Variants in MYO5B observed in about 807,000 individuals in gnomAD.
The protein encoded by MYO5B is unconventional myosin-Vb.
MYO5B carries 143 observed loss-of-function variants against 229.3 expected under a neutral mutation model. The observed-to-expected ratio is 0.62, with a 90% CI of 0.54 to 0.72. The LOEUF (loss-of-function observed/expected upper bound fraction) is 0.72, where lower values mean the gene tolerates loss of function less well. Among genes scored for constraint, MYO5B ranks in the 30% least tolerant of loss-of-function variants. The pLI, the probability that MYO5B is intolerant of heterozygous loss-of-function variation, is 0.00. For missense variants in MYO5B, 2,321 were observed against 2,331.0 expected, an observed-to-expected ratio of 1.00 and a Z score of 0.09; for synonymous variants, 918 against 885.2, an observed-to-expected ratio of 1.04 and a Z score of -0.66.
rs753114117 is a variant in MYO5B at position 49,841,491 on chromosome 18, C to T, written c.4612-37G>A. The T allele has an allele frequency of 4.5e-6, 7 of 1,568,166 alleles. No individual in the cohort carries two copies. In the Middle Eastern group the frequency reaches 8.3e-4, roughly 187 times the overall value. On this transcript the variant is annotated intron_variant, in intron 34 of 39. Transcript: ENST00000285039. ...AAAGGACATCCTCAGCTCTAAGTGG[C>T]TCCCATCTGGTGAAATGCTTCCTCG... is the stretch of plus-strand genomic sequence containing the variant.
At chr18:49,884,782 T>C (rs1206874960) in intron 22 of MYO5B, among the ~76,000 whole-genome samples, 1 of 152,146 alleles carries the variant, frequency 6.6e-6, no homozygotes, top group African/African-American at 2.4e-5. Context: ...AAAAATCACT[T>C]GCAACTCAAC....
At chr18:50,093,995 G>A (rs1428874178) in intron 1 of MYO5B, among the ~76,000 whole-genome samples, 1 of 152,042 alleles carries the variant, frequency 6.6e-6, no homozygotes, top group Non-Finnish European at 1.5e-5. Context: ...CAGCCCTTGG[G>A]GCTTCTCTGC....
chr18:49,997,993 G>C (rs2026008350), intron 5 of MYO5B, among the ~76,000 whole-genome samples: 1 of 152,328 alleles, frequency 6.6e-6, no homozygotes, highest in Non-Finnish European at 1.5e-5. Flanking sequence ...ACTCTGAGCA[G>C]CCACAAAACT....
At position 50,083,709 on chromosome 18, in the gene MYO5B, C is replaced by T. The variant is rs112891814; in HGVS notation, c.28-28331G>A. On this transcript the variant is annotated intron_variant, in intron 1 of 39. Coordinates refer to ENST00000285039, the MANE Select transcript of MYO5B (RefSeq NM_001080467.3). ...GTTTCCCCTCATCTGTTCAACCATT[C>T]TGCAACTACATGAGCTCAGTTACAA... is the stretch of plus-strand genomic sequence containing the variant. Among the ~76,000 whole-genome samples, 1,483 of 152,302 alleles carry T rather than the reference C, an allele frequency of 9.7e-3. 28 individuals are homozygous for T. Among genetic ancestry groups the T allele is most frequent in the African/African-American group, 0.034 (1,401 of 41,572 alleles).
intron 25 of MYO5B, chr18:49,876,136 T>C (rs1351492363): frequency 2.5e-6 from 1 of 393,442 alleles, no homozygotes; most frequent in Non-Finnish European, 4.8e-6. Context: ...GGCACTTTCT[T>C]TGGAAGTTAA....
intron 4 of MYO5B, 79 bp from the exon 5 acceptor site, chr18:50,001,490 C>T: frequency 6.5e-7 from 1 of 1,534,870 alleles, no homozygotes; most frequent in Non-Finnish European, 9.0e-7. Context: ...CTGACAAGGG[C>T]CTGAGCCTCA....
chr18:49,949,932 T>C (rs1351395871), intron 14 of MYO5B, among the ~76,000 whole-genome samples: 2 of 152,184 alleles, frequency 1.3e-5, no homozygotes, highest in African/African-American at 4.8e-5. Context: ...GCTTTAAAGA[T>C]ACTAAAATGA....
In MYO5B at chr18:49,864,180, G is replaced by A. The variant is rs751424284; in HGVS notation, c.3804C>T (p.Ile1268=). The change falls in exon 28 of 40, where the codon ATC becomes ATT. Residue 1268 remains isoleucine, a synonymous_variant. Transcript: ENST00000285039. The stretch of plus-strand genomic sequence containing the variant: ...CGAGTCGCCGCTGGTCGGCGCTCAC[G>A]ATCTGGGTCCTGAGGATGAGCACCT... ...KEEVLILRTQ[I]VSADQRRLAG... The A allele has an allele frequency of 8.1e-6, 13 of 1,612,298 alleles. No individual in the cohort carries two copies. The East Asian group carries it at 2.0e-4, about 25-fold the overall frequency.
chr18:49,852,043 C>T lies in MYO5B; in HGVS notation c.4221+1406G>A, dbSNP rs369375971. Among the ~76,000 whole-genome samples, 50 of 152,284 alleles carry T rather than the reference C, an allele frequency of 3.3e-4. No homozygotes were observed. In the East Asian group the frequency reaches 5.4e-3, roughly 16 times the overall value. On this transcript the variant is annotated intron_variant, in intron 31 of 39. Coordinates refer to ENST00000285039, the MANE Select transcript of MYO5B (RefSeq NM_001080467.3). ...AGCAGCACAGGCCCCTACTCATGAC[C>T]CAGTGTCACCACCCCAGCAGAGGGG...
intron 9 of MYO5B, among the ~76,000 whole-genome samples, chr18:49,975,706 C>T (rs2025742404): frequency 6.6e-6 from 1 of 152,114 alleles, no homozygotes; most frequent in Admixed American, 6.5e-5. Flanking sequence ...TGGAATTCCT[C>T]CAGTTTAGGC....
intron 1 of MYO5B, among the ~76,000 whole-genome samples, chr18:50,082,411 G>C (rs568395013): frequency 1.3e-5 from 2 of 152,350 alleles, no homozygotes; most frequent in South Asian, 4.1e-4. Context: ...CTCCAAATAT[G>C]TGAACAGAGA....
At chr18:49,991,634 T>C (rs1328121999) in intron 6 of MYO5B, among the ~76,000 whole-genome samples, 1 of 151,922 alleles carries the variant, frequency 6.6e-6, no homozygotes, top group Non-Finnish European at 1.5e-5. Context: ...TGAGAACACA[T>C]GGACACAGGG....
At chr18:49,965,942 C>G (rs1226912403) in intron 10 of MYO5B, among the ~76,000 whole-genome samples, 2 of 152,200 alleles carry the variant, frequency 1.3e-5, no homozygotes, top group African/African-American at 4.8e-5. Flanking sequence ...TCTACCCTTT[C>G]CATTCTTCAG....
At chr18:49,995,514 C>T (rs999819627) in intron 5 of MYO5B, among the ~76,000 whole-genome samples, 24 of 151,952 alleles carry the variant, frequency 1.6e-4, no homozygotes, top group African/African-American at 5.3e-4. Flanking sequence ...CCATCTCGGG[C>T]TCCCAAAGTG....
intron 24 of MYO5B, 78 bp from the exon 25 acceptor site, chr18:49,877,960 A>G: frequency 6.4e-7 from 1 of 1,556,226 alleles, no homozygotes; most frequent in East Asian, 2.2e-5. Flanking sequence ...GGCAGGCCCT[A>G]GAGTTATCCT....
At chr18:49,949,874 A>C (rs148801537) in intron 14 of MYO5B, among the ~76,000 whole-genome samples, 1 of 152,322 alleles carries the variant, frequency 6.6e-6, no homozygotes, top group East Asian at 1.9e-4. Context: ...GCTACTATGA[A>C]AACTAAAAAT....
chr18:49,994,506 G>A (rs2025966367), intron 5 of MYO5B, among the ~76,000 whole-genome samples: 1 of 152,224 alleles, frequency 6.6e-6, no homozygotes, highest in South Asian at 2.1e-4. Context: ...ATATAACTCT[G>A]GAAGGAAGTG....
chr18:50,086,220 T>C (rs184389483), intron 1 of MYO5B, among the ~76,000 whole-genome samples: 3 of 152,274 alleles, frequency 2.0e-5, no homozygotes, highest in East Asian at 1.9e-4. Flanking sequence ...AACTTATTAC[T>C]GTTGAGAGTT....
chr18:49,895,277 C>A, intron 21 of MYO5B, 103 bp from the exon 22 acceptor site: 1 of 940,778 alleles, frequency 1.1e-6, no homozygotes, highest in Non-Finnish European at 1.7e-6. Flanking sequence ...AAGGAACTTC[C>A]AAGGTAGGAT....
Sources: allele counts gnomAD v4.1 joint callset (sites outside exome capture counted in the v4.1 genomes callset), GRCh38; gene constraint gnomAD v4.1.1; transcripts MANE v1.5; gene names NCBI Gene and HGNC (gene_info 2026-07-23, HGNC 2026-07-21).